JAKMIP2: variants seen among roughly 807,000 people sequenced by gnomAD.
The protein encoded by JAKMIP2 is janus kinase and microtubule-interacting protein 2.
JAKMIP2 carries 25 observed loss-of-function variants against 115.0 expected under a neutral mutation model. That is an observed-to-expected ratio of 0.22 (90% CI 0.16 to 0.30). The LOEUF (loss-of-function observed/expected upper bound fraction) is 0.30. Among genes scored for constraint, JAKMIP2 ranks in the 10% least tolerant of loss-of-function variants. The pLI is 1.00. For missense variants in JAKMIP2, 642 were observed against 957.6 expected, an observed-to-expected ratio of 0.67 and a Z score of 4.35; for synonymous variants, 334 against 343.6, an observed-to-expected ratio of 0.97 and a Z score of 0.31.
At chr5:147,625,543 C>T (rs140879012) in intron 16 of JAKMIP2, among the ~76,000 whole-genome samples, 4 of 152,266 alleles carry the variant, frequency 2.6e-5, no homozygotes, top group African/African-American at 7.2e-5. Flanking sequence ...CCATCCAAAA[C>T]CTAAAATCCT....
At chr5:147,627,419 G>A (rs1305473387) in intron 16 of JAKMIP2, among the ~76,000 whole-genome samples, 5 of 151,946 alleles carry the variant, frequency 3.3e-5, no homozygotes, top group African/African-American at 7.3e-5. Context: ...AGAGAGAATG[G>A]AGGGAGAGAA....
intron 1 of JAKMIP2, among the ~76,000 whole-genome samples, chr5:147,762,918 T>C (rs1383731411): frequency 6.6e-6 from 1 of 152,274 alleles, no homozygotes; most frequent in African/African-American, 2.4e-5. Context: ...GACAAGTTCA[T>C]ATCAAAAATC....
chr5:147,604,344 A>G (rs754233639), intron 20 of JAKMIP2, among the ~76,000 whole-genome samples: 1 of 152,158 alleles, frequency 6.6e-6, no homozygotes, highest in Non-Finnish European at 1.5e-5. Flanking sequence ...TTCCTTTTTC[A>G]CATAAGTGAC....
At chr5:147,762,494 CCT>C (rs773876549) in intron 1 of JAKMIP2, among the ~76,000 whole-genome samples, 2 of 151,924 alleles carry the variant, frequency 1.3e-5, no homozygotes, top group African/African-American at 2.4e-5. Context: ...TTTAGATTCC[CCT>C]GATGTCTTTC....
intron 16 of JAKMIP2, among the ~76,000 whole-genome samples, chr5:147,626,663 C>T (rs1490284077): frequency 6.6e-6 from 1 of 152,188 alleles, no homozygotes; most frequent in African/African-American, 2.4e-5. Flanking sequence ...CTGATAAGCA[C>T]AGTTGTTGGT....
intron 1 of JAKMIP2, among the ~76,000 whole-genome samples, chr5:147,677,100 A>C (rs2126821585): frequency 6.6e-6 from 1 of 152,336 alleles, no homozygotes; most frequent in African/African-American, 2.4e-5. Flanking sequence ...TATGATCTTA[A>C]ATCACTTAAT....
chr5:147,696,824 T>C (rs921997790), intron 1 of JAKMIP2, among the ~76,000 whole-genome samples: 2 of 152,166 alleles, frequency 1.3e-5, no homozygotes, highest in African/African-American at 2.4e-5. Flanking sequence ...TGTAGGGAAC[T>C]GGAATAAAGG....
At chr5:147,600,141 C>A in intron 21 of JAKMIP2, among the ~76,000 whole-genome samples, 1 of 101,046 alleles carries the variant, frequency 9.9e-6, no homozygotes, top group Non-Finnish European at 1.9e-5. Flanking sequence ...TTTCCTGATA[C>A]TCTGGTCATT....
In JAKMIP2 at chr5:147,668,332, T is replaced by A. The variant is rs192317749; in HGVS notation, c.129+3346A>T. Among the ~76,000 whole-genome samples, 17 of 152,306 alleles carry A rather than the reference T, an allele frequency of 1.1e-4. No individual in the cohort carries two copies. The East Asian group carries it at 3.1e-3, about 28-fold the overall frequency. ...CCTGGGGCAGCCCGTGGCATGTTCA[T>A]ACACACTAACCAATGGATCATGCAC... On this transcript the variant is annotated intron_variant, in intron 2 of 21. Transcript: ENST00000616793.
chr5:147,628,712 G>GACACC (rs1757224051), intron 16 of JAKMIP2, 39 bp downstream of exon 16: 1 of 1,529,750 alleles, frequency 6.5e-7, no homozygotes, highest in East Asian at 2.2e-5. Context: ...TATTAAGCCA[G>GACACC]ACACCGAGAT....
intron 1 of JAKMIP2, among the ~76,000 whole-genome samples, chr5:147,759,153 G>A (rs1580887172): frequency 6.6e-6 from 1 of 151,710 alleles, no homozygotes. Flanking sequence ...CATACCAGAA[G>A]ATGTTCTTAT....
intron 1 of JAKMIP2, among the ~76,000 whole-genome samples, chr5:147,710,911 G>A (rs182133525): frequency 6.6e-6 from 1 of 152,220 alleles, no homozygotes; most frequent in Non-Finnish European, 1.5e-5. Context: ...AAGTGTCTAG[G>A]TAACAAATGA....
At chr5:147,602,226 T>C (rs548415530) in intron 20 of JAKMIP2, among the ~76,000 whole-genome samples, 2 of 152,168 alleles carry the variant, frequency 1.3e-5, no homozygotes, top group African/African-American at 2.4e-5. Context: ...CAAAATACGA[T>C]CAGAACATAC....
chr5:147,658,174 G>T (rs370020343), intron 3 of JAKMIP2, among the ~76,000 whole-genome samples: 1 of 152,224 alleles, frequency 6.6e-6, no homozygotes. Context: ...TTTGGATGGG[G>T]TTTTTGTGGG....
chr5:147,686,107 C>G (rs997679322), intron 1 of JAKMIP2, among the ~76,000 whole-genome samples: 6 of 152,186 alleles, frequency 3.9e-5, no homozygotes, highest in African/African-American at 1.4e-4. Flanking sequence ...TGTTCCTAAT[C>G]TGAAATGCTT....
intron 19 of JAKMIP2, 139 bp from the exon 20 acceptor site, chr5:147,612,510 T>G: frequency 1.8e-6 from 1 of 568,518 alleles, no homozygotes; most frequent in Non-Finnish European, 3.1e-6. Flanking sequence ...GCATGTATGT[T>G]TTCCCCACCC....
At chr5:147,749,399 A>G (rs2127017177) in intron 1 of JAKMIP2, among the ~76,000 whole-genome samples, 1 of 152,306 alleles carries the variant, frequency 6.6e-6, no homozygotes, top group Admixed American at 6.5e-5. Context: ...CTTTAGAGAA[A>G]CTTGTTCAGT....
chr5:147,628,965 C>A lies in JAKMIP2; in HGVS notation c.1930-149G>T. On this transcript the variant is annotated intron_variant, in intron 15 of 21. Coordinates refer to ENST00000616793, the MANE Select transcript of JAKMIP2 (RefSeq NM_001270941.2). ...TATTCTGTTTAGTAATAATTCTGAACAAAGAGTTAATCAAAACCCGGAAGA... is the reference window on the plus strand; with the variant it reads ...TATTCTGTTTAGTAATAATTCTGAAAAAAGAGTTAATCAAAACCCGGAAGA... 4 of 564,252 alleles carry A rather than the reference C, an allele frequency of 7.1e-6. No individual in the cohort carries two copies. The South Asian group carries it at 1.1e-4, about 15-fold the overall frequency. The allele number at this position is 564,252 out of a possible 1,614,324, so 35.0% of individuals were successfully genotyped here.
Position 147,671,157 on chromosome 5 carries a change from CGAGAGA to C in JAKMIP2, c.129+515_129+520del, listed in dbSNP as rs1047619644. Reference sequence around the variant, plus strand: ...CAGCAAAAATAGGAAACAGAATGATCGAGAGAGAGAAGTGGGAGATGAGTCAAAGAG... The same window carrying C: ...CAGCAAAAATAGGAAACAGAATGATCGAGAAGTGGGAGATGAGTCAAAGAG... On this transcript the variant is annotated intron_variant, in intron 2 of 21. Transcript: ENST00000616793. 2.1e-3 allele frequency among the ~76,000 whole-genome samples: 317 copies of C among 152,100 alleles called. 2 individuals are homozygous for C. The highest frequency in any genetic ancestry group is 7.2e-3 in the African/African-American group (297 of 41,490).
Sources: gnomAD v4.1 joint callset for allele counts (sites outside exome capture counted in the v4.1 genomes callset) on GRCh38, gnomAD v4.1.1 for gene constraint, MANE v1.5 for transcripts, NCBI Gene and HGNC (gene_info 2026-07-23, HGNC 2026-07-21) for gene names.